Variants in OSBPL1A observed in about 807,000 individuals in gnomAD.
The protein encoded by OSBPL1A is oxysterol binding protein like 1A.
Under a neutral mutation model 137.1 loss-of-function variants are expected in OSBPL1A, and 80 were observed. The ratio of observed to expected loss-of-function variants is 0.58; its 90% CI spans 0.49 to 0.70. The LOEUF (loss-of-function observed/expected upper bound fraction) is 0.70, where lower values mean the gene tolerates loss of function less well. Among genes scored for constraint, OSBPL1A ranks in the 30% least tolerant of loss-of-function variants. OSBPL1A has a pLI of 0.00. For synonymous variants in OSBPL1A, 365 were observed against 389.7 expected (o/e 0.94, Z 0.75); for missense variants, 970 against 1,129.4 (o/e 0.86, Z 2.02).
rs759915177 is a variant in OSBPL1A at position 24,178,214 on chromosome 18, A to AG, written c.1911-20_1911-19insC. 100 of 1,519,324 alleles carry AG rather than the reference A, an allele frequency of 6.6e-5. No homozygotes were observed. In the African/African-American group the frequency reaches 1.3e-3, roughly 19 times the overall value. The allele number at this position is 1,519,324 out of a possible 1,614,324, so 94.1% of individuals were successfully genotyped here. ...GTCATCTCTTAAGATTTAAAAAAAA[A>AG]AAAAAAGAAAAAAAAAAGCAACATT... On this transcript the variant is annotated intron_variant, in intron 20 of 27. Transcript: ENST00000319481.
chr18:24,233,042 CAT>C (rs1396204194), intron 16 of OSBPL1A, among the ~76,000 whole-genome samples: 1 of 152,180 alleles, frequency 6.6e-6, no homozygotes, highest in Non-Finnish European at 1.5e-5. Flanking sequence ...CTGATCTCAA[CAT>C]GTTTCTCAAA....
At position 24,166,570 on chromosome 18, in the gene OSBPL1A, G is replaced by T. The variant is rs772742929; in HGVS notation, c.2659+9C>A. The T allele has an allele frequency of 6.2e-6, 10 of 1,601,168 alleles. No homozygotes were observed. The highest frequency in any genetic ancestry group is 1.1e-5 in the South Asian group (1 of 88,218). On this transcript the variant is annotated intron_variant, in intron 26 of 27. Transcript: ENST00000319481. ...GTCTTCACTGGTGGCTTTGGCGGAT[G>T]CTAGTTACCTATCTCTCCATTTTCC...
At chr18:24,223,769 T>A (rs567943275) in intron 17 of OSBPL1A, among the ~76,000 whole-genome samples, 1 of 152,284 alleles carries the variant, frequency 6.6e-6, no homozygotes, top group South Asian at 2.1e-4. Context: ...GGACAGCATC[T>A]AAGCACAATG....
At chr18:24,288,042 G>C (rs747519348) in intron 14 of OSBPL1A, among the ~76,000 whole-genome samples, 3 of 152,136 alleles carry the variant, frequency 2.0e-5, no homozygotes, top group African/African-American at 7.2e-5. Flanking sequence ...GGCTGGGCCT[G>C]CCCAGAGAGA....
intron 20 of OSBPL1A, 26 bp from the exon 21 acceptor site, chr18:24,178,221 G>T: frequency 7.7e-6 from 7 of 905,938 alleles, no homozygotes; most frequent in African/African-American, 2.0e-5. Context: ...AAAAAAAAAA[G>T]AAAAAAAAAA....
intron 2 of OSBPL1A, among the ~76,000 whole-genome samples, chr18:24,372,377 A>G (rs1443436510): frequency 6.6e-6 from 1 of 151,808 alleles, no homozygotes; most frequent in Non-Finnish European, 1.5e-5. Flanking sequence ...CCATATTTCC[A>G]TCTCCAAAGT....
chr18:24,289,427 T>TTG (rs1555645559), intron 14 of OSBPL1A, among the ~76,000 whole-genome samples: 1 of 144,944 alleles, frequency 6.9e-6, no homozygotes, highest in African/African-American at 2.5e-5. Context: ...TGTTTTTTTT[T>TTG]TTTTTTTTTT....
At chr18:24,264,720 T>C (rs531871848) in intron 15 of OSBPL1A, among the ~76,000 whole-genome samples, 25 of 152,286 alleles carry the variant, frequency 1.6e-4, no homozygotes, top group Non-Finnish European at 1.0e-4. Context: ...TTTGGTCAAA[T>C]TGAGAAAGTA....
rs114611715 is a variant in OSBPL1A at position 24,219,017 on chromosome 18, G to A, written c.1601+6025C>T. Among the ~76,000 whole-genome samples, 1,276 of 152,198 alleles carry A rather than the reference G, an allele frequency of 8.4e-3. 23 individuals carry two copies. Among genetic ancestry groups the A allele is most frequent in the African/African-American group, 0.029 (1,224 of 41,528 alleles). On this transcript the variant is annotated intron_variant, in intron 17 of 27. Transcript: ENST00000319481. ...ATTTGCTTTAAAAATAGGAGGCCGAGCGCAGTGGCTCATGCCTGTAATCCC... is the reference window on the plus strand; with the variant it reads ...ATTTGCTTTAAAAATAGGAGGCCGAACGCAGTGGCTCATGCCTGTAATCCC...
intron 15 of OSBPL1A, among the ~76,000 whole-genome samples, chr18:24,270,385 C>G (rs886293431): frequency 6.6e-6 from 1 of 152,162 alleles, no homozygotes; most frequent in Admixed American, 6.5e-5. Flanking sequence ...TTTTACTTCC[C>G]CCCCATTATG....
Position 24,163,108 on chromosome 18 carries a change from G to T in OSBPL1A, c.*71C>A. The T allele has an allele frequency of 8.5e-7, 1 of 1,169,630 alleles. No individual in the cohort carries two copies. The allele number at this position is 1,169,630 out of a possible 1,614,324, so 72.5% of individuals were successfully genotyped here. A position where few individuals can be genotyped will look rare whatever the true frequency, so the allele number is the denominator to read the frequency against. ...TTTTAAAAGATAAGTAGAAACCAAG[G>T]GAAAAAAATTTAAAAACATAGGTTT... On this transcript the variant is annotated 3_prime_UTR_variant, in exon 28 of 28. Coordinates refer to ENST00000319481, the MANE Select transcript of OSBPL1A (RefSeq NM_080597.4).
chr18:24,209,665 T>G (rs1338275205), intron 17 of OSBPL1A, among the ~76,000 whole-genome samples: 1 of 152,080 alleles, frequency 6.6e-6, no homozygotes, highest in Non-Finnish European at 1.5e-5. Context: ...AGCCAAACTG[T>G]GGGATATTCA....
Position 24,271,968 on chromosome 18 carries a change from C to G in OSBPL1A, c.1281+8874G>C. The G allele has an allele frequency of 1.0e-6, 1 of 982,152 alleles. No homozygotes were observed. Among genetic ancestry groups the G allele is most frequent in the East Asian group, 1.1e-4 (1 of 8,750 alleles). The allele number at this position is 982,152 out of a possible 1,614,324, so 60.8% of individuals were successfully genotyped here. On this transcript the variant is annotated intron_variant, in intron 15 of 27. Coordinates refer to ENST00000319481, the MANE Select transcript of OSBPL1A (RefSeq NM_080597.4). The surrounding 1 kb of genome is among the most constrained non-coding windows in gnomAD (Gnocchi z 4.0). Reference sequence around the variant, plus strand: ...GGCCGCAGACCCGCCCTCCGGGGCTCGCGGGGAGAGCGCGGGCGGGCGGCG... The same window carrying G: ...GGCCGCAGACCCGCCCTCCGGGGCTGGCGGGGAGAGCGCGGGCGGGCGGCG...
intron 9 of OSBPL1A, among the ~76,000 whole-genome samples, chr18:24,318,159 T>G (rs2090770357): frequency 6.6e-6 from 1 of 152,054 alleles, no homozygotes; most frequent in Admixed American, 6.6e-5. Context: ...AGTATAAAAG[T>G]GGCTTGCCAG....
chr18:24,182,289 G>A (rs1289305048), intron 18 of OSBPL1A, among the ~76,000 whole-genome samples: 3 of 152,166 alleles, frequency 2.0e-5, no homozygotes, highest in Non-Finnish European at 4.4e-5. Context: ...GTTCAATTCT[G>A]TTTACCATGT....
chr18:24,337,752 A>G (rs1006905141), intron 5 of OSBPL1A, among the ~76,000 whole-genome samples: 2 of 151,388 alleles, frequency 1.3e-5, no homozygotes, highest in Non-Finnish European at 2.9e-5. Context: ...AACTGGCTAA[A>G]TCTGAATATA....
intron 1 of OSBPL1A, among the ~76,000 whole-genome samples, chr18:24,391,858 T>C (rs1403190252): frequency 6.6e-6 from 1 of 152,094 alleles, no homozygotes; most frequent in Non-Finnish European, 1.5e-5. Flanking sequence ...CCAAATGGCA[T>C]TTGTACTTTT....
At chr18:24,197,786 C>CTTTTTTTTTT (rs1043369707) in intron 17 of OSBPL1A, among the ~76,000 whole-genome samples, 38 of 122,712 alleles carry the variant, frequency 3.1e-4, no homozygotes, top group East Asian at 6.6e-4. Flanking sequence ...CTTTTCTTTT[C>CTTTTTTTTTT]TTTTTTTTTT....
In OSBPL1A at chr18:24,318,782, C is replaced by T; in HGVS notation, c.653G>A (p.Gly218Asp). Residue 218 changes from glycine (G) to aspartate (D), a missense_variant, in exon 8 of 28, where the codon GGT becomes GAT. This residue lies in a region of OSBPL1A where 647 missense variants were observed against 672.6 expected (regional missense o/e 0.96). Transcript: ENST00000319481. ...NDQKPLDLAQGAEMKHILVGN... is the reference protein window; with the variant it reads ...NDQKPLDLAQDAEMKHILVGN... The stretch of plus-strand genomic sequence containing the variant: ...AACAAGAATGTGTTTCATTTCAGCA[C>T]CCTGGGCAAGGTCAAGAGGTTTCTG... 1 of 1,613,488 alleles carries T rather than the reference C, an allele frequency of 6.2e-7. No homozygotes were observed. Among genetic ancestry groups the T allele is most frequent in the East Asian group, 2.2e-5 (1 of 44,858 alleles).
Sources: allele counts gnomAD v4.1 joint callset (sites outside exome capture counted in the v4.1 genomes callset), GRCh38; gene constraint gnomAD v4.1.1; regional missense constraint gnomAD v4.1.1; non-coding constraint Gnocchi (gnomAD v3.1); transcripts MANE v1.5; gene names NCBI Gene and HGNC (gene_info 2026-07-23, HGNC 2026-07-21).